Variants in CDC25C observed in about 807,000 individuals in gnomAD.
The protein encoded by CDC25C is cell division cycle 25C.
CDC25C carries 48 observed loss-of-function variants against 52.5 expected under a neutral mutation model. The observed-to-expected ratio is 0.91, with a 90% CI of 0.72 to 1.16. CDC25C has a LOEUF of 1.16. CDC25C is among the 50% of genes most tolerant of loss of function. The pLI, the probability that CDC25C is intolerant of heterozygous loss-of-function variation, is 0.00. For missense variants in CDC25C, 510 were observed against 566.1 expected (o/e 0.90, Z 1.01); for synonymous variants, 187 against 206.5 (o/e 0.91, Z 0.81).
Position 138,285,718 on chromosome 5 carries a change from G to A in CDC25C, c.1396C>T (p.Leu466Phe). The A allele has an allele frequency of 1.2e-6, 2 of 1,614,154 alleles. No individual in the cohort carries two copies. The highest frequency in any genetic ancestry group is 1.7e-6 in the Non-Finnish European group (2 of 1,180,022). The change falls in exon 14 of 14, where the codon CTT becomes TTT. Residue 466 changes from leucine to phenylalanine, a missense_variant. Physicochemically the swap from Leu to Phe is conservative, Grantham distance 22. Coordinates refer to ENST00000323760, the MANE Select transcript of CDC25C (RefSeq NM_001790.5). ...GERQLREQIA[L>F]LVKDMSP is the part of the protein sequence containing the mutation. ...CATGGGCTCATGTCCTTCACCAGAA[G>A]GGCAATCTGCTCCCGCAGCTGCCGC...
chr5:138,316,880 ACACT>A (rs1758917778), intron 7 of CDC25C, among the ~76,000 whole-genome samples: 1 of 152,138 alleles, frequency 6.6e-6, no homozygotes, highest in African/African-American at 2.4e-5. Context: ...AGCTGTTCTA[ACACT>A]CAATAAAGCT....
chr5:138,327,177 C>T (rs1039536396), intron 4 of CDC25C, among the ~76,000 whole-genome samples: 19 of 151,612 alleles, frequency 1.3e-4, no homozygotes, highest in African/African-American at 4.1e-4. Flanking sequence ...ATCACTTGAA[C>T]CCGGGAGGCG....
At chr5:138,292,681 C>A (rs1756849171) in intron 7 of CDC25C, among the ~76,000 whole-genome samples, 1 of 151,882 alleles carries the variant, frequency 6.6e-6, no homozygotes, top group Non-Finnish European at 1.5e-5. Context: ...ACTATGAAAC[C>A]CATCAGGGAA....
At chr5:138,316,623 A>G (rs1043855997) in intron 7 of CDC25C, among the ~76,000 whole-genome samples, 3 of 152,176 alleles carry the variant, frequency 2.0e-5, no homozygotes, top group African/African-American at 7.2e-5. Flanking sequence ...ATCAGGAAGC[A>G]CTTTCTCCCC....
At chr5:138,326,190 A>G (rs571565882) in intron 4 of CDC25C, 136 bp from the exon 5 acceptor site, 2 of 866,106 alleles carry the variant, frequency 2.3e-6, no homozygotes, top group South Asian at 2.8e-5. Flanking sequence ...TCTTCCAACA[A>G]CAATACATAG....
chr5:138,297,001 C>T (rs543970341), intron 7 of CDC25C, among the ~76,000 whole-genome samples: 5 of 149,602 alleles, frequency 3.3e-5, no homozygotes, highest in Admixed American at 6.7e-5. Flanking sequence ...AGCTCTGCCT[C>T]GCGGGTTCAC....
chr5:138,331,699 AG>A lies in CDC25C; in HGVS notation c.-144del, dbSNP rs1294473258. 8.1e-6 allele frequency: 8 copies of A among 990,760 alleles called. No homozygotes were observed. In the African/African-American group the frequency reaches 1.4e-4, roughly 17 times the overall value. 61.4% of individuals were successfully genotyped at this position (990,760 alleles called of 1,614,324 possible). A position where few individuals can be genotyped will look rare whatever the true frequency, so the allele number is the denominator to read the frequency against. Reference sequence around the variant, plus strand: ...AATGAAAGGAAATCTAGGGGAAAGGAGGTAGTTAACTAGATTGCAGCTCTGC... The same window carrying A: ...AATGAAAGGAAATCTAGGGGAAAGGAGTAGTTAACTAGATTGCAGCTCTGC... On this transcript the variant is annotated 5_prime_UTR_variant, in exon 1 of 14. Coordinates refer to ENST00000323760, the MANE Select transcript of CDC25C (RefSeq NM_001790.5).
intron 7 of CDC25C, 147 bp downstream of exon 7, chr5:138,319,072 T>A (rs1759133559): frequency 1.5e-6 from 1 of 646,462 alleles, no homozygotes; most frequent in African/African-American, 1.8e-5. Flanking sequence ...GGAGTTTTAC[T>A]GAACATGTTC....
chr5:138,286,143 G>C lies in CDC25C; in HGVS notation c.1161-10C>G, dbSNP rs1756205424. 6.2e-7 allele frequency: 1 copy of C among 1,601,152 alleles called. No individual in the cohort carries two copies. Among genetic ancestry groups the C allele is most frequent in the Non-Finnish European group, 8.5e-7 (1 of 1,169,664 alleles). On this transcript the variant is annotated splice_polypyrimidine_tract_variant and intron_variant, in intron 12 of 13. Transcript: ENST00000323760. The stretch of plus-strand genomic sequence containing the variant: ...ACGCAGACAGCGGCACCTTTAGAGA[G>C]AACCCAGAGATGGGTGGGGTGGAAA...
intron 1 of CDC25C, 118 bp from the exon 2 acceptor site, chr5:138,331,336 T>C (rs1227648176): frequency 1.5e-5 from 11 of 757,074 alleles, no homozygotes; most frequent in Admixed American, 8.0e-5. Context: ...CGAAGGGTGA[T>C]TCACAGCCTG....
intron 7 of CDC25C, among the ~76,000 whole-genome samples, chr5:138,302,297 G>T (rs745484566): frequency 6.6e-6 from 1 of 151,758 alleles, no homozygotes; most frequent in African/African-American, 2.4e-5. Context: ...GTGCTCGGCC[G>T]ATGTAAAAAT....
chr5:138,332,519 A>G (rs1312821099), upstream of CDC25C, among the ~76,000 whole-genome samples: 7 of 152,194 alleles, frequency 4.6e-5, no homozygotes, highest in Admixed American at 3.9e-4. Context: ...CGCAATCCAG[A>G]GGACCTCAAA....
At chr5:138,308,057 G>A (rs2126740158) in intron 7 of CDC25C, among the ~76,000 whole-genome samples, 1 of 152,268 alleles carries the variant, frequency 6.6e-6, no homozygotes. Context: ...TGATCTGACA[G>A]GAGGCAGAGC....
At chr5:138,318,746 G>T (rs1384875168) in intron 7 of CDC25C, among the ~76,000 whole-genome samples, 2 of 152,076 alleles carry the variant, frequency 1.3e-5, no homozygotes, top group Admixed American at 6.6e-5. Context: ...AAAGAAGAAT[G>T]AATTCTTAAT....
Position 138,331,008 on chromosome 5 carries a change from G to C in CDC25C, c.173C>G (p.Ala58Gly). 1 of 1,612,004 alleles carries C rather than the reference G, an allele frequency of 6.2e-7. No individual in the cohort carries two copies. The highest frequency in any genetic ancestry group is 8.5e-7 in the Non-Finnish European group (1 of 1,178,004). The change falls in exon 2 of 14, where the codon GCA becomes GGA. Residue 58 changes from alanine to glycine, a missense_variant. Coordinates refer to ENST00000323760, the MANE Select transcript of CDC25C (RefSeq NM_001790.5). ...TPVGKFLGDS[A>G]NLSILSGGTP... ...TTACCCAGACAAAATGCTTAGGTTT[G>C]CAGAATCACCAAGAAATTTGCCCAC...
intron 7 of CDC25C, among the ~76,000 whole-genome samples, chr5:138,296,472 G>A (rs992483748): frequency 9.2e-5 from 14 of 151,804 alleles, no homozygotes; most frequent in Non-Finnish European, 1.8e-4. Flanking sequence ...GCGAAATGGC[G>A]TGATCTCAGC....
intron 12 of CDC25C, 57 bp from the exon 13 acceptor site, chr5:138,286,190 G>GAAT: frequency 7.5e-7 from 1 of 1,341,424 alleles, no homozygotes; most frequent in Non-Finnish European, 1.1e-6. Context: ...AGGATCCCAG[G>GAAT]GGCCATTCAC....
At chr5:138,326,177 G>A in intron 4 of CDC25C, 123 bp from the exon 5 acceptor site, 8 of 971,110 alleles carry the variant, frequency 8.2e-6, no homozygotes, top group Non-Finnish European at 1.2e-5. Context: ...TAGTTGATAT[G>A]TCTCTTCCAA....
intron 7 of CDC25C, among the ~76,000 whole-genome samples, chr5:138,293,649 CTT>C (rs1217960715): frequency 3.8e-4 from 52 of 138,130 alleles, no homozygotes; most frequent in Admixed American, 4.4e-4. Context: ...TGAAACTTAT[CTT>C]TTTTTTTTTT....
Sources: gnomAD v4.1 joint callset for allele counts (sites outside exome capture counted in the v4.1 genomes callset) on GRCh38, gnomAD v4.1.1 for gene constraint, MANE v1.5 for transcripts, NCBI Gene and HGNC (gene_info 2026-07-23, HGNC 2026-07-21) for gene names.